PRMT3: variants seen among roughly 807,000 people sequenced by gnomAD.
PRMT3 encodes protein arginine N-methyltransferase 3.
PRMT3 carries 62 observed loss-of-function variants against 71.9 expected under a neutral mutation model. That is an observed-to-expected ratio of 0.86 (90% CI 0.70 to 1.07). The LOEUF (loss-of-function observed/expected upper bound fraction) is 1.07, where lower values mean the gene tolerates loss of function less well. Ranked by LOEUF, PRMT3 falls within the 50% of genes least tolerant of loss-of-function variation. The pLI is 0.00. For synonymous variants in PRMT3, 213 were observed against 220.4 expected, an observed-to-expected ratio of 0.97 and a Z score of 0.30; for missense variants, 663 against 643.0, an observed-to-expected ratio of 1.03 and a Z score of -0.34.
At chr11:20,406,823 T>C (rs1013399932) in intron 8 of PRMT3, 1 of 152,188 alleles carries the variant, frequency 6.6e-6, no homozygotes. Flanking sequence ...GTTTTCTAGT[T>C]TTTTGATAAT....
chr11:20,480,519 T>C (rs1225468712), intron 13 of PRMT3, among the ~76,000 whole-genome samples: 1 of 152,160 alleles, frequency 6.6e-6, no homozygotes, highest in African/African-American at 2.4e-5. Context: ...CTTGTGCTAT[T>C]TGGCCGTTTC....
intron 10 of PRMT3, among the ~76,000 whole-genome samples, chr11:20,431,450 T>C (rs1175502400): frequency 6.6e-6 from 1 of 152,144 alleles, no homozygotes; most frequent in African/African-American, 2.4e-5. Flanking sequence ...ATAACTTAGG[T>C]ATTCAGTTTT....
intron 4 of PRMT3, 25 bp from the exon 5 acceptor site, chr11:20,392,872 A>T (rs769515810): frequency 4.2e-6 from 6 of 1,415,758 alleles, no homozygotes; most frequent in Middle Eastern, 1.8e-4. Flanking sequence ...TAATGAAAAA[A>T]ACATGAGATT....
At chr11:20,439,455 C>G (rs1849836317) in intron 10 of PRMT3, among the ~76,000 whole-genome samples, 1 of 152,172 alleles carries the variant, frequency 6.6e-6, no homozygotes, top group East Asian at 1.9e-4. Flanking sequence ...CCAGAGCTCT[C>G]CCTGGGTTAT....
chr11:20,403,854 C>T (rs1471762702), intron 8 of PRMT3, among the ~76,000 whole-genome samples: 4 of 152,106 alleles, frequency 2.6e-5, no homozygotes, highest in African/African-American at 9.7e-5. Context: ...AAGGTTACTT[C>T]ATGGGGTTTA....
chr11:20,483,777 G>A (rs1031195438), intron 13 of PRMT3, among the ~76,000 whole-genome samples: 1 of 152,138 alleles, frequency 6.6e-6, no homozygotes, highest in African/African-American at 2.4e-5. Flanking sequence ...GACACCCGTA[G>A]CCTTGTATAC....
intron 10 of PRMT3, among the ~76,000 whole-genome samples, chr11:20,432,064 T>G (rs1849665897): frequency 6.6e-6 from 1 of 152,020 alleles, no homozygotes. Flanking sequence ...ATTATTTTGG[T>G]CTTATAATCT....
At chr11:20,396,148 T>G (rs1848821997) in intron 6 of PRMT3, among the ~76,000 whole-genome samples, 186 bp downstream of exon 6, 1 of 152,236 alleles carries the variant, frequency 6.6e-6, no homozygotes, top group African/African-American at 2.4e-5. Context: ...TATAAAATCT[T>G]ATAGTTTTAC....
chr11:20,393,117 CAGGTAGTT>C, intron 5 of PRMT3, 118 bp downstream of exon 5: 1 of 694,938 alleles, frequency 1.4e-6, no homozygotes, highest in Non-Finnish European at 2.5e-6. Context: ...AATGCTTCAT[CAGGTAGTT>C]AGTTTCAGTA....
At position 20,484,281 on chromosome 11, in the gene PRMT3, G is replaced by A. The variant is rs115709015; in HGVS notation, c.1348-9638G>A. Among the ~76,000 whole-genome samples the A allele has an allele frequency of 7.0e-3, 1,070 of 152,268 alleles. 15 individuals are homozygous for A. The highest frequency in any genetic ancestry group is 0.024 in the African/African-American group (1,015 of 41,558). On this transcript the variant is annotated intron_variant, in intron 13 of 15. Coordinates refer to ENST00000331079, the MANE Select transcript of PRMT3 (RefSeq NM_005788.4). ...TATAGTGAGTGTTATTACAAGGAGTGCAGGAACATTTTATGGATGTATTAT... is the reference window on the plus strand; with the variant it reads ...TATAGTGAGTGTTATTACAAGGAGTACAGGAACATTTTATGGATGTATTAT...
In PRMT3 at chr11:20,500,358, A is replaced by C. The variant is rs149458581; in HGVS notation, c.1486+6104A>C. On this transcript the variant is annotated intron_variant, in intron 15 of 15. Coordinates refer to ENST00000331079, the MANE Select transcript of PRMT3 (RefSeq NM_005788.4). ...GAATTTCCTTTATTAATTCAGTGCA[A>C]TCTCAGTCAAAATCTCAGTTTTGTA... Among the ~76,000 whole-genome samples the C allele has an allele frequency of 5.9e-5, 9 of 152,276 alleles. No homozygotes were observed. The East Asian group carries it at 1.4e-3, about 23-fold the overall frequency.
intron 13 of PRMT3, among the ~76,000 whole-genome samples, chr11:20,485,547 A>C (rs1814206663): frequency 1.3e-5 from 2 of 152,234 alleles, no homozygotes; most frequent in African/African-American, 4.8e-5. Flanking sequence ...TTCTAAGACC[A>C]AATTAAATAT....
intron 8 of PRMT3, among the ~76,000 whole-genome samples, chr11:20,404,224 T>TG (rs761868811): frequency 0.046 from 4,418 of 95,118 alleles, 271 homozygotes; most frequent in East Asian, 0.19. Context: ...TTTTTTTTTT[T>TG]TTTTTTTTTT....
At chr11:20,397,798 A>G (rs1466738142) in intron 7 of PRMT3, 77 bp downstream of exon 7, 7 of 1,440,064 alleles carry the variant, frequency 4.9e-6, no homozygotes, top group South Asian at 2.8e-5. Context: ...ATATGTGTGC[A>G]CTATAGGAGA....
chr11:20,462,518 A>C (rs999916256), intron 12 of PRMT3, among the ~76,000 whole-genome samples: 1 of 152,172 alleles, frequency 6.6e-6, no homozygotes, highest in Non-Finnish European at 1.5e-5. Flanking sequence ...CTTCTCATTT[A>C]CAGCCAGATT....
chr11:20,503,012 A>G (rs1230894615), intron 15 of PRMT3, among the ~76,000 whole-genome samples: 5 of 152,188 alleles, frequency 3.3e-5, no homozygotes, highest in Admixed American at 2.0e-4. Context: ...AATATATTTC[A>G]TACCTTTTAT....
chr11:20,396,913 T>G (rs1373036949), intron 6 of PRMT3, among the ~76,000 whole-genome samples: 1 of 152,190 alleles, frequency 6.6e-6, no homozygotes, highest in Non-Finnish European at 1.5e-5. Flanking sequence ...GTTGCCTGAG[T>G]ACCCATCTGA....
At chr11:20,408,159 C>G in intron 9 of PRMT3, 127 bp downstream of exon 9, 1 of 575,382 alleles carries the variant, frequency 1.7e-6, no homozygotes, top group East Asian at 3.5e-5. Context: ...AAATTCACTC[C>G]AGAATAATAA....
intron 11 of PRMT3, among the ~76,000 whole-genome samples, chr11:20,461,365 T>C (rs1231969327): frequency 2.0e-5 from 3 of 152,208 alleles, no homozygotes; most frequent in Non-Finnish European, 4.4e-5. Flanking sequence ...CTCCTGTTCT[T>C]AGTATTTATT....
Sources: allele counts gnomAD v4.1 joint callset (sites outside exome capture counted in the v4.1 genomes callset), GRCh38; gene constraint gnomAD v4.1.1; transcripts MANE v1.5; gene names NCBI Gene and HGNC (gene_info 2026-07-23, HGNC 2026-07-21).